The following SUGCT variants were observed in gnomAD, a reference collection of about 807,000 sequenced individuals.
The protein encoded by SUGCT is succinyl-CoA:glutarate-CoA transferase.
SUGCT carries 41 observed loss-of-function variants against 55.0 expected under a neutral mutation model. The ratio of observed to expected loss-of-function variants is 0.74; its 90% CI spans 0.58 to 0.97. The LOEUF is 0.97. SUGCT is among the 50% of genes least tolerant of loss of function. The probability of loss-of-function intolerance (pLI) is 0.00; values close to 1 mark genes in which losing one functional copy is unlikely to be tolerated. For synonymous variants in SUGCT, 187 were observed against 200.4 expected (o/e 0.93, Z 0.56); for missense variants, 568 against 547.8 (o/e 1.04, Z -0.37).
chr7:40,858,345 G>T (rs1794296468), intron 13 of SUGCT, among the ~76,000 whole-genome samples: 1 of 145,744 alleles, frequency 6.9e-6, no homozygotes, highest in Non-Finnish European at 1.5e-5. Flanking sequence ...GGAGGTTGTG[G>T]TGAGCCAAGA....
intron 9 of SUGCT, among the ~76,000 whole-genome samples, chr7:40,334,174 C>CA (rs1796533525): frequency 1.3e-5 from 2 of 152,062 alleles, no homozygotes. Flanking sequence ...GGGTTGGTTC[C>CA]AAGTCTTTGC....
At position 40,496,308 on chromosome 7, in the gene SUGCT, G is replaced by A. The variant is rs1791972330; in HGVS notation, c.1011G>A (p.Lys337=). The change falls in exon 12 of 14, where the codon AAG becomes AAA. Residue 337 remains lysine, a synonymous_variant. Transcript: ENST00000335693. The part of the protein sequence containing the change: ...SERFEEELTS[K]WLYLFEGSGV... ...GGTTTGAAGAAGAACTGACCAGCAAGTGGTTATATCTTTTTGAAGGCAGTG... is the reference window on the plus strand; with the variant it reads ...GGTTTGAAGAAGAACTGACCAGCAAATGGTTATATCTTTTTGAAGGCAGTG... The A allele has an allele frequency of 6.2e-7, 1 of 1,612,702 alleles. No individual in the cohort carries two copies. Among genetic ancestry groups the A allele is most frequent in the Non-Finnish European group, 8.5e-7 (1 of 1,179,234 alleles).
chr7:40,519,749 TTA>T (rs1192124606), intron 12 of SUGCT, among the ~76,000 whole-genome samples: 3 of 151,990 alleles, frequency 2.0e-5, no homozygotes, highest in Non-Finnish European at 4.4e-5. Flanking sequence ...CAAAGAAATC[TTA>T]TATTAAGTTA....
chr7:40,876,443 A>T, the SUGCT span, among the ~76,000 whole-genome samples: 7 of 152,230 alleles, frequency 4.6e-5, no homozygotes, highest in Admixed American at 4.6e-4. Context: ...TTCCCTGGAA[A>T]GAACAGAAGG....
the SUGCT span, among the ~76,000 whole-genome samples, chr7:41,022,106 A>G: frequency 1.3e-5 from 2 of 152,216 alleles, no homozygotes; most frequent in African/African-American, 2.4e-5. Context: ...AGAAAGCTCA[A>G]TGAATCCTAG....
At chr7:40,599,288 G>A (rs1271406962) in intron 12 of SUGCT, among the ~76,000 whole-genome samples, 2 of 152,110 alleles carry the variant, frequency 1.3e-5, no homozygotes, top group African/African-American at 4.8e-5. Context: ...TCATTAATTA[G>A]GAAATTAAAT....
intron 6 of SUGCT, among the ~76,000 whole-genome samples, chr7:40,204,191 A>G (rs948007644): frequency 4.6e-5 from 7 of 151,704 alleles, no homozygotes; most frequent in Non-Finnish European, 7.4e-5. Flanking sequence ...TGGTCTCACT[A>G]TGTTGCCCAG....
chr7:40,838,221 T>C (rs1312225667), intron 13 of SUGCT, among the ~76,000 whole-genome samples: 2 of 152,174 alleles, frequency 1.3e-5, no homozygotes, highest in African/African-American at 4.8e-5. Context: ...TCAAAATTAT[T>C]TTAGCTATTA....
intron 5 of SUGCT, among the ~76,000 whole-genome samples, chr7:40,192,910 G>A (rs1785999711): frequency 6.6e-6 from 1 of 151,404 alleles, no homozygotes; most frequent in Non-Finnish European, 1.5e-5. Context: ...TGGGATTGCA[G>A]GTATGAGCTA....
At chr7:40,857,023 G>A (rs186694817) in intron 13 of SUGCT, among the ~76,000 whole-genome samples, 3 of 152,158 alleles carry the variant, frequency 2.0e-5, no homozygotes, top group South Asian at 2.1e-4. Flanking sequence ...TGCTGACTTC[G>A]TTTTAGAAAT....
the SUGCT span, among the ~76,000 whole-genome samples, chr7:40,875,536 T>A: frequency 1.3e-5 from 2 of 152,234 alleles, no homozygotes; most frequent in Non-Finnish European, 2.9e-5. Context: ...GAATCCTTCT[T>A]AAGTACCACT....
chr7:40,964,445 G>A, the SUGCT span, among the ~76,000 whole-genome samples: 6 of 152,316 alleles, frequency 3.9e-5, no homozygotes, highest in Admixed American at 3.3e-4. Flanking sequence ...CCCAGATTCT[G>A]GAGAGGGGTT....
At chr7:40,994,872 T>A in the SUGCT span, among the ~76,000 whole-genome samples, 5 of 152,160 alleles carry the variant, frequency 3.3e-5, no homozygotes, top group African/African-American at 1.2e-4. Context: ...CCTTTTGCTG[T>A]TGCTCTCACA....
intron 1 of SUGCT, among the ~76,000 whole-genome samples, chr7:40,174,962 T>A (rs1032281078): frequency 9.9e-5 from 15 of 152,060 alleles, no homozygotes; most frequent in Non-Finnish European, 2.2e-4. Context: ...AGAAAAAAAA[T>A]TTTATTGTGA....
At chr7:40,502,778 C>A (rs1792360569) in intron 12 of SUGCT, among the ~76,000 whole-genome samples, 1 of 152,054 alleles carries the variant, frequency 6.6e-6, no homozygotes, top group African/African-American at 2.4e-5. Flanking sequence ...GTTTGTTCTT[C>A]ACTTTATTCT....
At chr7:40,293,709 C>A (rs537267933) in intron 8 of SUGCT, among the ~76,000 whole-genome samples, 1 of 152,280 alleles carries the variant, frequency 6.6e-6, no homozygotes, top group South Asian at 2.1e-4. Flanking sequence ...TAGGGTAAAC[C>A]TGCAAGGTGT....
intron 1 of SUGCT, among the ~76,000 whole-genome samples, chr7:40,177,457 A>G (rs1185659791): frequency 6.6e-6 from 1 of 152,138 alleles, no homozygotes; most frequent in Non-Finnish European, 1.5e-5. Flanking sequence ...GTCCGATTTC[A>G]CAAATCATTT....
intron 11 of SUGCT, among the ~76,000 whole-genome samples, chr7:40,465,574 C>A (rs1790058918): frequency 6.6e-6 from 1 of 152,060 alleles, no homozygotes; most frequent in African/African-American, 2.4e-5. Context: ...CATGCCACCA[C>A]ACTCCAGCCT....
chr7:40,258,749 G>A (rs1462339062), intron 7 of SUGCT, among the ~76,000 whole-genome samples: 1 of 152,156 alleles, frequency 6.6e-6, no homozygotes, highest in Non-Finnish European at 1.5e-5. Flanking sequence ...GTAAATTAAT[G>A]TGGCCATTAT....
Sources: gnomAD v4.1 joint callset for allele counts (sites outside exome capture counted in the v4.1 genomes callset) on GRCh38, gnomAD v4.1.1 for gene constraint, MANE v1.5 for transcripts, NCBI Gene and HGNC (gene_info 2026-07-23, HGNC 2026-07-21) for gene names.